SLC39A11: variants seen among roughly 807,000 people sequenced by gnomAD.
The protein encoded by SLC39A11 is solute carrier family 39 member 11.
Under a neutral mutation model 36.1 loss-of-function variants are expected in SLC39A11, and 33 were observed. The ratio of observed to expected loss-of-function variants is 0.91; its 90% CI spans 0.69 to 1.22. The LOEUF is 1.22. Ranked by LOEUF, SLC39A11 falls within the 50% of genes most tolerant of loss-of-function variation. The probability of loss-of-function intolerance (pLI) is 0.00; values close to 1 mark genes in which losing one functional copy is unlikely to be tolerated. For missense variants in SLC39A11, 432 were observed against 430.3 expected (o/e 1.00, Z -0.03); for synonymous variants, 166 against 170.3 (o/e 0.97, Z 0.20).
At chr17:72,799,687 A>T (rs2077018242) in intron 6 of SLC39A11, among the ~76,000 whole-genome samples, 1 of 151,788 alleles carries the variant, frequency 6.6e-6, no homozygotes, top group African/African-American at 2.4e-5. Context: ...GTGGGGAAAA[A>T]CTGCCCTGGT....
intron 7 of SLC39A11, among the ~76,000 whole-genome samples, chr17:72,655,293 T>C (rs1373951785): frequency 6.6e-6 from 1 of 152,246 alleles, no homozygotes; most frequent in Non-Finnish European, 1.5e-5. Context: ...AGAGGCCCAC[T>C]GGTGGGGGTG....
At chr17:72,879,339 C>T (rs959123194) in intron 5 of SLC39A11, among the ~76,000 whole-genome samples, 1 of 152,178 alleles carries the variant, frequency 6.6e-6, no homozygotes, top group African/African-American at 2.4e-5. Flanking sequence ...TCCCAGCCAC[C>T]AGCCATCTCG....
chr17:72,976,183 A>G (rs2087836731), intron 4 of SLC39A11, among the ~76,000 whole-genome samples: 2 of 151,412 alleles, frequency 1.3e-5, no homozygotes, highest in African/African-American at 4.8e-5. Flanking sequence ...AAAAAAAAAA[A>G]AAAAAAAAAG....
intron 3 of SLC39A11, among the ~76,000 whole-genome samples, chr17:73,059,257 T>G (rs143397934): frequency 9.0e-4 from 137 of 152,358 alleles, no homozygotes; most frequent in African/African-American, 3.2e-3. Flanking sequence ...AAATTACAAA[T>G]GTATATTCAT....
chr17:72,988,246 A>T (rs2088907653), intron 4 of SLC39A11, among the ~76,000 whole-genome samples: 1 of 152,234 alleles, frequency 6.6e-6, no homozygotes, highest in Admixed American at 6.5e-5. Flanking sequence ...TGAGGCCAGG[A>T]GTTCAAAACC....
At chr17:72,930,898 G>C (rs2084352384) in intron 5 of SLC39A11, among the ~76,000 whole-genome samples, 1 of 152,154 alleles carries the variant, frequency 6.6e-6, no homozygotes, top group Non-Finnish European at 1.5e-5. Flanking sequence ...AGGACCCCAG[G>C]GTGGCATCTA....
chr17:72,980,795 C>A (rs774071307), intron 4 of SLC39A11, among the ~76,000 whole-genome samples: 3 of 151,988 alleles, frequency 2.0e-5, no homozygotes, highest in Non-Finnish European at 4.4e-5. Flanking sequence ...GAGGCTGAGG[C>A]GGGTGGATCA....
chr17:72,949,104 G>A (rs1035450745), intron 4 of SLC39A11, among the ~76,000 whole-genome samples: 1 of 122,622 alleles, frequency 8.2e-6, no homozygotes, highest in Non-Finnish European at 1.6e-5. Context: ...GTCTCTGTCT[G>A]TTCAGGCTGC....
At chr17:73,049,525 A>G (rs1415463410) in intron 3 of SLC39A11, among the ~76,000 whole-genome samples, 1 of 152,232 alleles carries the variant, frequency 6.6e-6, no homozygotes, top group Non-Finnish European at 1.5e-5. Flanking sequence ...AAGGAGAGTC[A>G]AGAACCCTGT....
chr17:72,899,455 G>A (rs977943840), intron 5 of SLC39A11, among the ~76,000 whole-genome samples: 6 of 152,060 alleles, frequency 3.9e-5, no homozygotes, highest in East Asian at 1.9e-4. Flanking sequence ...AGTGGGGAGC[G>A]AAGGAATCTT....
intron 3 of SLC39A11, among the ~76,000 whole-genome samples, chr17:73,063,366 CAT>C (rs983551887): frequency 1.7e-4 from 26 of 152,272 alleles, no homozygotes; most frequent in African/African-American, 6.3e-4. Flanking sequence ...AATAGAACCT[CAT>C]GTATCTTTCA....
intron 5 of SLC39A11, among the ~76,000 whole-genome samples, chr17:72,892,821 C>T (rs187963871): frequency 9.9e-5 from 15 of 152,240 alleles, no homozygotes; most frequent in Admixed American, 7.2e-4. Context: ...AGCCATTTCC[C>T]GCATAACTCC....
intron 7 of SLC39A11, among the ~76,000 whole-genome samples, chr17:72,690,889 G>A (rs1340774179): frequency 6.6e-6 from 1 of 152,194 alleles, no homozygotes; most frequent in Admixed American, 6.5e-5. Flanking sequence ...TGGGAGGGGA[G>A]AGGAGAACAC....
chr17:72,947,952 C>T, intron 4 of SLC39A11, 77 bp from the exon 5 acceptor site: 2 of 1,572,392 alleles, frequency 1.3e-6, no homozygotes, highest in Admixed American at 1.7e-5. Flanking sequence ...TCACGGGCGC[C>T]AAGGCAACTT....
intron 5 of SLC39A11, among the ~76,000 whole-genome samples, chr17:72,945,800 A>T (rs1458338026): frequency 6.6e-6 from 1 of 152,152 alleles, no homozygotes; most frequent in East Asian, 1.9e-4. Context: ...TGTCCTGCAG[A>T]GCCAACTCCC....
At chr17:73,030,639 G>A (rs2058708428) in intron 4 of SLC39A11, among the ~76,000 whole-genome samples, 1 of 152,202 alleles carries the variant, frequency 6.6e-6, no homozygotes, top group Non-Finnish European at 1.5e-5. Flanking sequence ...TTCTAGGGGA[G>A]CAGGGAACTC....
intron 7 of SLC39A11, among the ~76,000 whole-genome samples, chr17:72,680,041 C>CA (rs199650969): frequency 0.021 from 1,501 of 71,506 alleles, 264 homozygotes; most frequent in African/African-American, 0.036. Context: ...GACTCTGTCT[C>CA]AAAAAAAAAA....
chr17:72,745,266 C>G (rs1352296625), intron 6 of SLC39A11, among the ~76,000 whole-genome samples: 1 of 152,262 alleles, frequency 6.6e-6, no homozygotes, highest in East Asian at 1.9e-4. Flanking sequence ...CTTGGTTTGG[C>G]AGAGCCCGCT....
At chr17:72,827,989 G>A (rs1398502490) in intron 6 of SLC39A11, among the ~76,000 whole-genome samples, 1 of 152,262 alleles carries the variant, frequency 6.6e-6, no homozygotes, top group Non-Finnish European at 1.5e-5. Flanking sequence ...ACGTGGGCAA[G>A]GAAGACACAC....
Sources: allele counts gnomAD v4.1 joint callset (sites outside exome capture counted in the v4.1 genomes callset), GRCh38; gene constraint gnomAD v4.1.1; transcripts MANE v1.5; gene names NCBI Gene and HGNC (gene_info 2026-07-23, HGNC 2026-07-21).